ITIH2: variants seen among roughly 807,000 people sequenced by gnomAD.
ITIH2 encodes inter-alpha-trypsin inhibitor heavy chain 2.
Under a neutral mutation model 104.4 loss-of-function variants are expected in ITIH2, and 103 were observed. The ratio of observed to expected loss-of-function variants is 0.99; its 90% CI spans 0.84 to 1.16. The LOEUF is 1.16. ITIH2 is among the 50% of genes most tolerant of loss of function. The probability of loss-of-function intolerance (pLI) is 0.00; values close to 1 mark genes in which losing one functional copy is unlikely to be tolerated. For missense variants in ITIH2, 1,108 were observed against 1,162.4 expected, an observed-to-expected ratio of 0.95 and a Z score of 0.68; for synonymous variants, 436 against 435.4, an observed-to-expected ratio of 1.00 and a Z score of -0.02.
rs112603195 is a variant in ITIH2, at chr10:7,735,030, C to A, written c.1896C>A (p.Asn632Lys). The A allele has an allele frequency of 4.3e-6, 7 of 1,613,510 alleles. No individual in the cohort carries two copies. In the South Asian group the frequency reaches 7.7e-5, roughly 18 times the overall value. The change falls in exon 15 of 21, where the codon AAC (asparagine) becomes AAA (lysine). Residue 632 changes from asparagine to lysine, a missense_variant. Transcript: ENST00000358415. ...CGCTGACCTCGCTGGTGATCGAGAA[C>A]GAGGCTGGGGATGAGCGCATGCTGG... Reference protein sequence around the residue: ...VTPLTSLVIENEAGDERMLAD... With the variant: ...VTPLTSLVIEKEAGDERMLAD...
intron 1 of ITIH2, among the ~76,000 whole-genome samples, chr10:7,704,818 A>G (rs1834729830): frequency 2.0e-5 from 3 of 152,294 alleles, no homozygotes; most frequent in East Asian, 3.9e-4. Context: ...AAGTAACACA[A>G]GAAGGGAAAA....
At chr10:7,724,302 G>T (rs1013603797) in intron 9 of ITIH2, among the ~76,000 whole-genome samples, 1 of 152,138 alleles carries the variant, frequency 6.6e-6, no homozygotes, top group African/African-American at 2.4e-5. Flanking sequence ...CAGGCACAGT[G>T]GCTCACGCCT....
At chr10:7,731,753 C>T in intron 12 of ITIH2, 58 bp from the exon 13 acceptor site, 3 of 1,202,684 alleles carry the variant, frequency 2.5e-6, no homozygotes, top group Non-Finnish European at 3.5e-6. Flanking sequence ...AAATAAAATG[C>T]TTTAGATCTA....
chr10:7,747,477 T>G (rs1835190139), intron 20 of ITIH2, among the ~76,000 whole-genome samples: 1 of 152,204 alleles, frequency 6.6e-6, no homozygotes, highest in Non-Finnish European at 1.5e-5. Flanking sequence ...TGCCATTCAA[T>G]TAGTATCAGT....
chr10:7,713,996 G>T (rs1018400084), intron 5 of ITIH2, among the ~76,000 whole-genome samples: 1 of 151,752 alleles, frequency 6.6e-6, no homozygotes, highest in Non-Finnish European at 1.5e-5. Context: ...GCTGCGATAG[G>T]GTCTTCTTAA....
At position 7,732,347 on chromosome 10, in the gene ITIH2, C is replaced by T. The variant is rs146878856; in HGVS notation, c.1657C>T (p.Gln553Ter). ...SVITATSANTQLVLETLAQMD... is the reference protein window; with the variant it reads ...SVITATSANT ...ACCTTCCATCATCTAGGCTAACACGCAGTTAGTCTTGGAGACCCTGGCCCA... is the reference window on the plus strand; with the variant it reads ...ACCTTCCATCATCTAGGCTAACACGTAGTTAGTCTTGGAGACCCTGGCCCA... The change falls in exon 14 of 21, where the codon CAG (glutamine) becomes TAG (stop). Residue 553 changes from glutamine (Q) to a stop codon, truncating the protein, a stop_gained. Coordinates refer to ENST00000358415, the MANE Select transcript of ITIH2 (RefSeq NM_002216.3). LOFTEE classifies it high-confidence loss of function. 7.4e-6 allele frequency: 12 copies of T among 1,613,592 alleles called. No homozygotes were observed. Among genetic ancestry groups the T allele is most frequent in the Non-Finnish European group, 9.3e-6 (11 of 1,179,666 alleles).
At chr10:7,737,697 A>ATTTTC (rs1564305692) in intron 15 of ITIH2, among the ~76,000 whole-genome samples, 4 of 41,626 alleles carry the variant, frequency 9.6e-5, no homozygotes, top group African/African-American at 4.4e-4. Context: ...TATATTCTAT[A>ATTTTC]TAATATTCTA....
chr10:7,734,591 A>G (rs1307343080), intron 14 of ITIH2, among the ~76,000 whole-genome samples: 1 of 152,160 alleles, frequency 6.6e-6, no homozygotes, highest in Non-Finnish European at 1.5e-5. Flanking sequence ...GCTACTCAGG[A>G]GGCTGAGGGA....
chr10:7,728,313 T>C (rs1428482256), intron 11 of ITIH2, among the ~76,000 whole-genome samples: 1 of 152,202 alleles, frequency 6.6e-6, no homozygotes, highest in East Asian at 1.9e-4. Flanking sequence ...TTAAACATTT[T>C]TCTTTCTACA....
chr10:7,710,230 G>T (rs1452841652), intron 4 of ITIH2, among the ~76,000 whole-genome samples: 1 of 152,200 alleles, frequency 6.6e-6, no homozygotes, highest in Admixed American at 6.5e-5. Context: ...ATTCATAATG[G>T]TGTAGCTCAG....
chr10:7,709,303 A>T (rs1834775065), intron 4 of ITIH2, 112 bp downstream of exon 4: 1 of 904,944 alleles, frequency 1.1e-6, no homozygotes, highest in East Asian at 2.5e-5. Flanking sequence ...GACCGGCTGG[A>T]TGTCAAGGGT....
intron 15 of ITIH2, among the ~76,000 whole-genome samples, chr10:7,736,896 C>T (rs753043117): frequency 5.9e-5 from 9 of 152,228 alleles, no homozygotes; most frequent in Admixed American, 1.3e-4. Context: ...TTCAGTTACT[C>T]GCTTATCTGA....
At chr10:7,716,188 T>C (rs1834848300) in intron 5 of ITIH2, among the ~76,000 whole-genome samples, 1 of 152,148 alleles carries the variant, frequency 6.6e-6, no homozygotes, top group South Asian at 2.1e-4. Context: ...TTTCACCATG[T>C]TGGCCAGGCT....
intron 5 of ITIH2, among the ~76,000 whole-genome samples, chr10:7,717,049 G>A (rs1479361535): frequency 6.6e-6 from 1 of 151,784 alleles, no homozygotes; most frequent in Non-Finnish European, 1.5e-5. Context: ...CTGGGTCCTG[G>A]TTCAAGCATT....
chr10:7,714,854 G>A (rs2130942000), intron 5 of ITIH2, among the ~76,000 whole-genome samples: 1 of 152,242 alleles, frequency 6.6e-6, no homozygotes, highest in Non-Finnish European at 1.5e-5. Flanking sequence ...GATTACAGCT[G>A]GCCTTCGTAT....
At chr10:7,718,125 G>A (rs1465175323) in intron 6 of ITIH2, among the ~76,000 whole-genome samples, 1 of 152,144 alleles carries the variant, frequency 6.6e-6, no homozygotes, top group Non-Finnish European at 1.5e-5. Context: ...GGAGGCTCCA[G>A]GGGAGAGCCC....
In ITIH2 at chr10:7,709,166, G is replaced by A. The variant is rs1381217571; in HGVS notation, c.337G>A (p.Gly113Arg). ...CGTGTTTGATGTTCAGATCCCCAAA[G>A]GAGCATTCATTTCCAACTTCTCCAT... ...NVVFDVQIPKGAFISNFSMTV... is the reference protein window; with the variant it reads ...NVVFDVQIPKRAFISNFSMTV... Residue 113 changes from glycine to arginine, a missense_variant, in exon 4 of 21, where the codon GGA becomes AGA. Coordinates refer to ENST00000358415, the MANE Select transcript of ITIH2 (RefSeq NM_002216.3). 1.9e-6 allele frequency: 3 copies of A among 1,613,940 alleles called. No homozygotes were observed. Among genetic ancestry groups the A allele is most frequent in the South Asian group, 1.1e-5 (1 of 91,058 alleles).
chr10:7,741,523 A>G (rs1473266570), intron 16 of ITIH2, among the ~76,000 whole-genome samples: 1 of 152,130 alleles, frequency 6.6e-6, no homozygotes, highest in African/African-American at 2.4e-5. Context: ...CTCCAAGAAC[A>G]ATCAACTAAC....
intron 5 of ITIH2, among the ~76,000 whole-genome samples, chr10:7,716,635 C>T (rs923234705): frequency 6.7e-6 from 1 of 149,198 alleles, no homozygotes; most frequent in Non-Finnish European, 1.5e-5. Context: ...ACTCGGGATG[C>T]TGAGGTAGGA....
Sources: gnomAD v4.1 joint callset for allele counts (sites outside exome capture counted in the v4.1 genomes callset) on GRCh38, gnomAD v4.1.1 for gene constraint, MANE v1.5 for transcripts, NCBI Gene and HGNC (gene_info 2026-07-23, HGNC 2026-07-21) for gene names.